RBMS3: variants seen among roughly 807,000 people sequenced by gnomAD.
RBMS3 encodes RNA-binding motif, single-stranded-interacting protein 3.
RBMS3 carries 27 observed loss-of-function variants against 66.8 expected under a neutral mutation model. That is an observed-to-expected ratio of 0.40 (90% CI 0.30 to 0.56). The LOEUF is 0.56. Ranked by LOEUF, RBMS3 falls within the 20% of genes least tolerant of loss-of-function variation. RBMS3 has a pLI of 0.40. For synonymous variants in RBMS3, 188 were observed against 183.0 expected, an observed-to-expected ratio of 1.03 and a Z score of -0.22; for missense variants, 513 against 549.5, an observed-to-expected ratio of 0.93 and a Z score of 0.66.
At chr3:29,688,706 C>G (rs1454346369) in intron 4 of RBMS3, among the ~76,000 whole-genome samples, 1 of 149,148 alleles carries the variant, frequency 6.7e-6, no homozygotes, top group Non-Finnish European at 1.5e-5. Flanking sequence ...CATCAGCCTC[C>G]TAAGTAACTG....
At chr3:29,815,699 TC>T (rs2057868277) in intron 6 of RBMS3, among the ~76,000 whole-genome samples, 1 of 152,054 alleles carries the variant, frequency 6.6e-6, no homozygotes, top group African/African-American at 2.4e-5. Context: ...AAACCAAATA[TC>T]CTTTGTTCTC....
chr3:29,418,322 A>G (rs1454885495), intron 1 of RBMS3, among the ~76,000 whole-genome samples: 1 of 152,146 alleles, frequency 6.6e-6, no homozygotes, highest in African/African-American at 2.4e-5. Flanking sequence ...AATTGGGTCC[A>G]GGATAGAAAC....
At chr3:29,673,595 A>G (rs2051101693) in intron 4 of RBMS3, among the ~76,000 whole-genome samples, 1 of 152,202 alleles carries the variant, frequency 6.6e-6, no homozygotes, top group South Asian at 2.1e-4. Context: ...CCACAGAAAT[A>G]CAAACTACCA....
chr3:29,701,994 C>A (rs931389564), intron 4 of RBMS3, among the ~76,000 whole-genome samples: 1 of 152,240 alleles, frequency 6.6e-6, no homozygotes, highest in Non-Finnish European at 1.5e-5. Context: ...GGAAAGCCAG[C>A]TGGGTTCCTG....
intron 4 of RBMS3, among the ~76,000 whole-genome samples, chr3:29,618,902 C>A (rs1262076230): frequency 6.6e-6 from 1 of 152,112 alleles, no homozygotes; most frequent in Non-Finnish European, 1.5e-5. Context: ...AGAGAAGCAT[C>A]TGCTGGAACA....
intron 6 of RBMS3, among the ~76,000 whole-genome samples, chr3:29,842,445 A>G (rs1226644617): frequency 6.6e-6 from 1 of 152,186 alleles, no homozygotes; most frequent in Non-Finnish European, 1.5e-5. Context: ...ACCGCACACA[A>G]GACCTTATAT....
intron 4 of RBMS3, among the ~76,000 whole-genome samples, chr3:29,610,345 C>A (rs1353577289): frequency 6.6e-6 from 1 of 152,050 alleles, no homozygotes. Context: ...TGTTCTTTCT[C>A]AAGTCCAGGC....
chr3:29,915,389 G>A (rs2060613870), intron 10 of RBMS3, among the ~76,000 whole-genome samples: 1 of 151,894 alleles, frequency 6.6e-6, no homozygotes, highest in Non-Finnish European at 1.5e-5. Context: ...ATAGGGGGAT[G>A]TGAGAGCTAA....
At chr3:29,483,969 C>T (rs2043232783) in intron 2 of RBMS3, among the ~76,000 whole-genome samples, 1 of 152,118 alleles carries the variant, frequency 6.6e-6, no homozygotes, top group Non-Finnish European at 1.5e-5. Flanking sequence ...ATTATCTCTC[C>T]GGGGAAAGAA....
intron 6 of RBMS3, among the ~76,000 whole-genome samples, chr3:29,774,516 T>G (rs1368603144): frequency 6.6e-6 from 1 of 152,048 alleles, no homozygotes; most frequent in Non-Finnish European, 1.5e-5. Flanking sequence ...AAGAAAAATA[T>G]TGAAACTAAT....
chr3:29,310,702 T>C lies in RBMS3; in HGVS notation c.75+28946T>C, dbSNP rs144179440. 2.4e-4 allele frequency among the ~76,000 whole-genome samples: 36 copies of C among 151,776 alleles called. No homozygotes were observed. The East Asian group carries it at 6.6e-3, about 28-fold the overall frequency. ...ATTCCTTCAGCCCCACCCTCCAAGT[T>C]GTTATTAGGCTAACGCTGAAGGGAA... On this transcript the variant is annotated intron_variant, in intron 1 of 14. Coordinates refer to ENST00000383767, the MANE Select transcript of RBMS3 (RefSeq NM_001003793.3).
At chr3:29,542,312 C>A in intron 3 of RBMS3, among the ~76,000 whole-genome samples, 1 of 152,206 alleles carries the variant, frequency 6.6e-6, no homozygotes. Flanking sequence ...CTTATCCTAA[C>A]AAGCAGGTGG....
In RBMS3 at chr3:29,334,877, C is replaced by T. The variant is rs935389592; in HGVS notation, c.75+53121C>T. The stretch of plus-strand genomic sequence containing the variant: ...ACAGATTGAGTGTATAATTCTTCTT[C>T]GCATGAAATAATATGATAAAACTCC... On this transcript the variant is annotated intron_variant, in intron 1 of 14. Transcript: ENST00000383767. Among the ~76,000 whole-genome samples, 63 of 152,108 alleles carry T rather than the reference C, an allele frequency of 4.1e-4. 2 individuals carry two copies. The highest frequency in any genetic ancestry group is 2.1e-4 in the South Asian group (1 of 4,832).
chr3:29,990,979 T>C (rs3773125), intron 13 of RBMS3, 103 bp from the exon 14 acceptor site: 247,730 of 1,061,432 alleles, frequency 0.23, 30,378 homozygotes, highest in East Asian at 0.38. Flanking sequence ...TAGCTGAGGG[T>C]ATCTCTACTT....
At position 29,372,052 on chromosome 3, in the gene RBMS3, G is replaced by C. The variant is rs189546686; in HGVS notation, c.76-62691G>C. Among the ~76,000 whole-genome samples the C allele has an allele frequency of 6.4e-4, 97 of 152,260 alleles. 1 individual carries two copies. The South Asian group carries it at 7.7e-3, about 12-fold the overall frequency. On this transcript the variant is annotated intron_variant, in intron 1 of 14. Coordinates refer to ENST00000383767, the MANE Select transcript of RBMS3 (RefSeq NM_001003793.3). Reference sequence around the variant, plus strand: ...AACAAGCATAGCCAAAAGGCACCTGGTAAGTAGGGGGAAGAGGAAGACACC... The same window carrying C: ...AACAAGCATAGCCAAAAGGCACCTGCTAAGTAGGGGGAAGAGGAAGACACC...
chr3:29,416,480 AG>A (rs373943317), intron 1 of RBMS3, among the ~76,000 whole-genome samples: 1 of 152,338 alleles, frequency 6.6e-6, no homozygotes, highest in East Asian at 1.9e-4. Context: ...AATTTGTAAA[AG>A]AAATGCATTT....
intron 12 of RBMS3, among the ~76,000 whole-genome samples, chr3:29,957,650 A>G (rs1402778076): frequency 6.6e-6 from 1 of 152,146 alleles, no homozygotes; most frequent in African/African-American, 2.4e-5. Flanking sequence ...AGAAATATGA[A>G]TGCCCTTCAG....
At chr3:29,941,787 T>G (rs776297416) in intron 11 of RBMS3, among the ~76,000 whole-genome samples, 16 of 151,694 alleles carry the variant, frequency 1.1e-4, no homozygotes, top group Non-Finnish European at 2.1e-4. Flanking sequence ...TGTACAAAAA[T>G]TGTAATGAAA....
Position 29,599,154 on chromosome 3 carries a change from A to ATT in RBMS3, c.399+11962_399+11963dup, listed in dbSNP as rs373952565. Among the ~76,000 whole-genome samples the ATT allele has an allele frequency of 1.5e-3, 223 of 144,174 alleles. 2 individuals are homozygous for ATT. Among genetic ancestry groups the ATT allele is most frequent in the African/African-American group, 5.0e-3 (200 of 39,694 alleles). The allele number at this position is 144,174 out of a possible 152,430, so 94.6% of individuals were successfully genotyped here. ...CAAGCATGGTGGGCAGAGAGTGGAG[A>ATT]TTTTTTTTTTTTTTGGTAAAGCTAC... On this transcript the variant is annotated intron_variant, in intron 4 of 14. Coordinates refer to ENST00000383767, the MANE Select transcript of RBMS3 (RefSeq NM_001003793.3).
Sources: allele counts gnomAD v4.1 joint callset (sites outside exome capture counted in the v4.1 genomes callset), GRCh38; gene constraint gnomAD v4.1.1; transcripts MANE v1.5; gene names NCBI Gene and HGNC (gene_info 2026-07-23, HGNC 2026-07-21).